The following SMIM9 variants were observed in gnomAD, a reference collection of about 807,000 sequenced individuals.
SMIM9 encodes chromosome X open reading frame 68.
A neutral mutation model predicts 7.2 loss-of-function variants in SMIM9; 8 were observed. The ratio of observed to expected loss-of-function variants is 1.10; its 90% confidence interval spans 0.65 to 1.99. The LOEUF (loss-of-function observed/expected upper bound fraction) is 1.99. Ranked by LOEUF, SMIM9 falls within the 30% of genes most tolerant of loss-of-function variation. The pLI, the probability that SMIM9 is intolerant of heterozygous loss-of-function variation, is 0.00. For synonymous variants in SMIM9, 19 were observed against 26.4 expected, an observed-to-expected ratio of 0.72 and a Z score of 0.86; for missense variants, 76 against 69.3, an observed-to-expected ratio of 1.10 and a Z score of -0.34.
chrX:154,830,712 C>G lies in SMIM9; in HGVS notation c.142+3G>C. 2 of 1,166,414 alleles carry G rather than the reference C, an allele frequency of 1.7e-6. No individual in the cohort carries two copies. The highest frequency in any genetic ancestry group is 2.3e-6 in the Non-Finnish European group (2 of 872,250). ...GAAACATTCATCCTAACAGCAAACA[C>G]ACCCCCTGAGCGTGGTTTCGATCCT... On this transcript the variant is annotated splice_donor_region_variant and intron_variant, in intron 3 of 4. Coordinates refer to ENST00000369529, the MANE Select transcript of SMIM9 (RefSeq NM_001162936.4).
chrX:154,831,098 C>T (rs1455002551), intron 2 of SMIM9, 143 bp from the exon 3 acceptor site: 1 of 309,756 alleles, frequency 3.2e-6, no homozygotes, highest in Non-Finnish European at 5.6e-6. Flanking sequence ...TCCAAGAAAA[C>T]AAAACAAAAC....
chrX:154,824,291 G>A (rs1466990838), intron 4 of SMIM9, among the ~76,000 whole-genome samples: 1 of 97,078 alleles, frequency 1.0e-5, no homozygotes, highest in East Asian at 3.3e-4. Context: ...CGGAGGCGGA[G>A]CTTGCAGTGA....
intron 4 of SMIM9, among the ~76,000 whole-genome samples, chrX:154,826,929 T>C (rs2072424309): frequency 8.9e-6 from 1 of 112,791 alleles, no homozygotes; most frequent in Admixed American, 9.3e-5. Context: ...CTTTACCTTC[T>C]TGCCTCAACA....
chrX:154,833,033 A>G (rs1487767978), intron 1 of SMIM9, among the ~76,000 whole-genome samples: 9 of 111,891 alleles, frequency 8.0e-5, no homozygotes, highest in Non-Finnish European at 1.7e-4. Context: ...TAAACAAAAA[A>G]TAAAATTATA....
chrX:154,824,721 G>A (rs782153101), intron 4 of SMIM9, among the ~76,000 whole-genome samples: 6 of 111,974 alleles, frequency 5.4e-5, no homozygotes, highest in South Asian at 3.6e-4. Context: ...CTTCACTATC[G>A]TAAACCATAC....
chrX:154,833,300 C>T (rs183105039), intron 1 of SMIM9, among the ~76,000 whole-genome samples: 69 of 112,378 alleles, frequency 6.1e-4, no homozygotes, highest in Non-Finnish European at 1.1e-3. Flanking sequence ...AGATTGTTAA[C>T]GTACAAAGAA....
intron 4 of SMIM9, among the ~76,000 whole-genome samples, chrX:154,828,512 T>G (rs969562032): frequency 2.7e-5 from 3 of 111,568 alleles, no homozygotes; most frequent in African/African-American, 9.8e-5. Flanking sequence ...TGATCCATTA[T>G]TCTCTATGGC....
At chrX:154,833,079 T>C (rs1557270692) in intron 1 of SMIM9, among the ~76,000 whole-genome samples, 1 of 111,871 alleles carries the variant, frequency 8.9e-6, no homozygotes, top group Non-Finnish European at 1.9e-5. Flanking sequence ...ACTTTTATGA[T>C]AGAAAATTCT....
At chrX:154,823,818 C>T (rs1557270039) in intron 4 of SMIM9, 36 bp from the exon 5 acceptor site, 4 of 1,137,622 alleles carry the variant, frequency 3.5e-6, no homozygotes, top group Non-Finnish European at 4.7e-6. Context: ...ATGCTCTGCA[C>T]AGAGTTGCTA....
intron 2 of SMIM9, 31 bp from the exon 3 acceptor site, chrX:154,830,986 A>T (rs2072443377): frequency 2.7e-6 from 2 of 738,871 alleles, no homozygotes; most frequent in East Asian, 7.2e-5. Flanking sequence ...GGTTTAGCTC[A>T]TATTCCAAAA....
chrX:154,831,473 T>G (rs1305177276), intron 2 of SMIM9, among the ~76,000 whole-genome samples: 2 of 112,170 alleles, frequency 1.8e-5, no homozygotes, highest in African/African-American at 6.5e-5. Flanking sequence ...TCTCATACAC[T>G]TTATCCATCA....
rs200851742 is a variant in SMIM9, at chrX:154,833,720, T to TA, written c.-210+842dup. On this transcript the variant is annotated intron_variant, in intron 1 of 4. Coordinates refer to ENST00000369529, the MANE Select transcript of SMIM9 (RefSeq NM_001162936.4). ...TGCACATGTATCCCAGAACTTAAAG[T>TA]AAAAAAAAAAAATGCAAATCAAGTC... is the stretch of plus-strand genomic sequence containing the variant. 7.7e-3 allele frequency among the ~76,000 whole-genome samples: 740 copies of TA among 95,576 alleles called. 24 individuals carry two copies. In the East Asian group the frequency reaches 0.12, roughly 15 times the overall value. The allele number at this position is 95,576 out of a possible 115,157, so 83.0% of individuals were successfully genotyped here.
Position 154,823,682 on chromosome X carries a change from A to G in SMIM9, c.*73T>C, listed in dbSNP as rs2072406251. Reference sequence around the variant, plus strand: ...TGATAGATACTTCCTCATTTTAAGCAGATAGCAAATGCCCCACTCTTTTGG... The same window carrying G: ...TGATAGATACTTCCTCATTTTAAGCGGATAGCAAATGCCCCACTCTTTTGG... On this transcript the variant is annotated 3_prime_UTR_variant, in exon 5 of 5. Coordinates refer to ENST00000369529, the MANE Select transcript of SMIM9 (RefSeq NM_001162936.4). 3.3e-6 allele frequency: 3 copies of G among 916,897 alleles called. No homozygotes were observed. The highest frequency in any genetic ancestry group is 4.5e-6 in the Non-Finnish European group (3 of 673,117). The allele number at this position is 916,897 out of a possible 1,213,427, so 75.6% of individuals were successfully genotyped here. A position where few individuals can be genotyped will look rare whatever the true frequency, so the allele number is the denominator to read the frequency against.
Position 154,829,492 on chromosome X carries a change from ATTCCCTCTCTCCTCCCTGTCTCTTC to A in SMIM9, c.272+18_272+42del. 1 of 1,157,588 alleles carries A rather than the reference ATTCCCTCTCTCCTCCCTGTCTCTTC, an allele frequency of 8.6e-7. No individual in the cohort carries two copies. Among genetic ancestry groups the A allele is most frequent in the African/African-American group, 1.8e-5 (1 of 55,911 alleles). ...TGTTTCTGTTCCCACCCCCCTTCAC[ATTCCCTCTCTCCTCCCTGTCTCTTC>A]TTCCCACAGAAGCTTACGTGAAGCA... On this transcript the variant is annotated intron_variant, in intron 4 of 4. Transcript: ENST00000369529.
intron 1 of SMIM9, 103 bp from the exon 2 acceptor site, chrX:154,832,786 T>TTCTC (rs1387375055): frequency 4.5e-5 from 5 of 112,273 alleles, no homozygotes; most frequent in Admixed American, 9.5e-5. Flanking sequence ...AGACATCATT[T>TTCTC]TCTCTCTATG....
chrX:154,830,648 A>G, intron 3 of SMIM9, 67 bp downstream of exon 3: 1 of 1,095,838 alleles, frequency 9.1e-7, no homozygotes. Context: ...ATTTTACCTG[A>G]CCTGAACTGA....
chrX:154,827,798 C>T (rs1328399128), intron 4 of SMIM9, among the ~76,000 whole-genome samples: 2 of 111,890 alleles, frequency 1.8e-5, no homozygotes, highest in Non-Finnish European at 3.8e-5. Flanking sequence ...GGAAATATTC[C>T]ACCCATATTT....
At chrX:154,824,369 A>AAG (rs1557270102) in intron 4 of SMIM9, among the ~76,000 whole-genome samples, 3 of 105,138 alleles carry the variant, frequency 2.9e-5, no homozygotes, top group African/African-American at 1.1e-4. Context: ...AAAAAAAAAA[A>AAG]AAAAAAAGAA....
intron 4 of SMIM9, 92 bp downstream of exon 4, chrX:154,829,443 A>T (rs1449849923): frequency 9.8e-7 from 1 of 1,018,117 alleles, no homozygotes; most frequent in African/African-American, 1.9e-5. Context: ...CCTTAATTAC[A>T]GATATGCAGG....
Sources: gnomAD v4.1 joint callset for allele counts (sites outside exome capture counted in the v4.1 genomes callset) on GRCh38, gnomAD v4.1.1 for gene constraint, MANE v1.5 for transcripts, NCBI Gene and HGNC (gene_info 2026-07-23, HGNC 2026-07-21) for gene names.